Variants in INO80D observed in about 807,000 individuals in gnomAD.
INO80D encodes INO80 complex subunit D.
A neutral mutation model predicts 87.6 loss-of-function variants in INO80D; 21 were observed. The observed-to-expected ratio is 0.24, with a 90% CI of 0.17 to 0.35. INO80D has a LOEUF of 0.35. INO80D is among the 10% of genes least tolerant of loss of function. INO80D has a pLI of 1.00. For synonymous variants in INO80D, 440 were observed against 491.0 expected, an observed-to-expected ratio of 0.90 and a Z score of 1.37; for missense variants, 982 against 1,280.7, an observed-to-expected ratio of 0.77 and a Z score of 3.56.
chr2:206,014,898 T>C (rs1267120443), intron 8 of INO80D, among the ~76,000 whole-genome samples: 1 of 152,156 alleles, frequency 6.6e-6, no homozygotes, highest in Non-Finnish European at 1.5e-5. Context: ...ATATGGACAA[T>C]GAAATCCAGG....
At chr2:206,050,263 C>T (rs1689315260) in intron 4 of INO80D, among the ~76,000 whole-genome samples, 1 of 151,562 alleles carries the variant, frequency 6.6e-6, no homozygotes, top group African/African-American at 2.4e-5. Flanking sequence ...GAAGCCGAGG[C>T]GGGCAGATCA....
rs570084673 is a variant in INO80D, at chr2:206,042,259, GT to G, written c.1073+4244del. Among the ~76,000 whole-genome samples the G allele has an allele frequency of 3.9e-3, 599 of 152,218 alleles. 2 individuals are homozygous for G. Among genetic ancestry groups the G allele is most frequent in the Non-Finnish European group, 5.9e-3 (403 of 68,014 alleles). ...ATATTAGAAAACAATAAAGATCTCAGTCAACTGACTTAAGCTGTCACCTTAA... is the reference window on the plus strand; with the variant it reads ...ATATTAGAAAACAATAAAGATCTCAGCAACTGACTTAAGCTGTCACCTTAA... On this transcript the variant is annotated intron_variant, in intron 5 of 10. Transcript: ENST00000403263.
intron 1 of INO80D, among the ~76,000 whole-genome samples, chr2:206,077,906 C>T (rs1271431277): frequency 6.6e-6 from 1 of 151,868 alleles, no homozygotes; most frequent in Non-Finnish European, 1.5e-5. Context: ...TTTCTCTTGA[C>T]CCCCTTGCTT....
chr2:206,021,824 G>A (rs1379832598), intron 6 of INO80D, among the ~76,000 whole-genome samples: 1 of 151,300 alleles, frequency 6.6e-6, no homozygotes, highest in Admixed American at 6.6e-5. Context: ...ATGTTGGCTG[G>A]GCTGGTCTTG....
intron 3 of INO80D, 139 bp from the exon 4 acceptor site, chr2:206,057,082 A>C: frequency 1.3e-6 from 1 of 774,072 alleles, no homozygotes; most frequent in Non-Finnish European, 2.0e-6. Context: ...TAACATGCAA[A>C]CCTCTACTAC....
intron 1 of INO80D, among the ~76,000 whole-genome samples, chr2:206,080,245 A>G (rs1202855168): frequency 6.6e-6 from 1 of 152,218 alleles, no homozygotes; most frequent in African/African-American, 2.4e-5. Context: ...CCAGGACTCT[A>G]AAGTGAGCCT....
At chr2:206,048,846 A>ATTTTC (rs1689268924) in intron 4 of INO80D, among the ~76,000 whole-genome samples, 5 of 152,186 alleles carry the variant, frequency 3.3e-5, no homozygotes, top group Non-Finnish European at 5.9e-5. Context: ...GGCTGCAGTG[A>ATTTTC]GCCATGATCA....
In INO80D at chr2:206,056,348, C is replaced by T; in HGVS notation, c.814G>A (p.Ala272Thr). 2 of 1,613,860 alleles carry T rather than the reference C, an allele frequency of 1.2e-6. No individual in the cohort carries two copies. Among genetic ancestry groups the T allele is most frequent in the South Asian group, 1.1e-5 (1 of 91,070 alleles). ...GTCCTGGGTGGGTCCACAGTGGGAG[C>T]CCTACTGGATGGCAGGAGGGGCAGA... ...RPLPLLPSSR[A>T]PTVDPPRTDR... The change falls in exon 4 of 11, where the codon GCT becomes ACT. Residue 272 changes from alanine to threonine, a missense_variant. Coordinates refer to ENST00000403263, the MANE Select transcript of INO80D (RefSeq NM_017759.5).
At chr2:206,052,585 G>A (rs1489036606) in intron 4 of INO80D, among the ~76,000 whole-genome samples, 2 of 152,036 alleles carry the variant, frequency 1.3e-5, no homozygotes, top group African/African-American at 4.8e-5. Context: ...CAAGACAGGA[G>A]GATCAGCCTG....
chr2:206,025,542 A>AATACATATATATATATAT (rs1688590575), intron 6 of INO80D: 1 of 76,936 alleles, frequency 1.3e-5, no homozygotes, highest in Non-Finnish European at 2.6e-5. Flanking sequence ...AAAAAAAAAA[A>AATACATATATATATATAT]ATATATATAT....
chr2:206,018,713 G>C lies in INO80D; in HGVS notation c.1409-900C>G, dbSNP rs550614044. ...AGGTGGGTTGATTTATTGAGCCTCA[G>C]AAGTTCAGGATCAGCCTGGGCAACA... On this transcript the variant is annotated intron_variant, in intron 7 of 10. Transcript: ENST00000403263. 2.5e-4 allele frequency among the ~76,000 whole-genome samples: 38 copies of C among 152,244 alleles called. 1 individual carries two copies. The highest frequency in any genetic ancestry group is 8.2e-4 in the African/African-American group (34 of 41,558).
At chr2:206,042,714 G>A (rs1276131093) in intron 5 of INO80D, among the ~76,000 whole-genome samples, 2 of 151,016 alleles carry the variant, frequency 1.3e-5, no homozygotes, top group African/African-American at 4.9e-5. Context: ...GCTGGGTACA[G>A]CAGCTCACGC....
intron 1 of INO80D, among the ~76,000 whole-genome samples, chr2:206,083,025 A>T (rs1301346349): frequency 2.0e-5 from 3 of 152,224 alleles, no homozygotes; most frequent in African/African-American, 4.8e-5. Flanking sequence ...TTTTAAACTA[A>T]CACTTAATAA....
Position 205,996,992 on chromosome 2 carries a change from T to C in INO80D, c.*7376A>G, listed in dbSNP as rs1687820861. On this transcript the variant is annotated 3_prime_UTR_variant, in exon 11 of 11. Coordinates refer to ENST00000403263, the MANE Select transcript of INO80D (RefSeq NM_017759.5). Reference sequence around the variant, plus strand: ...TACAACTGTAGAAAAGAACAGCATATAGAGCTTTCCTAGATCTTCACTATA... The same window carrying C: ...TACAACTGTAGAAAAGAACAGCATACAGAGCTTTCCTAGATCTTCACTATA... 1 of 152,040 alleles carries C rather than the reference T, an allele frequency of 6.6e-6. No homozygotes were observed. Among genetic ancestry groups the C allele is most frequent in the Non-Finnish European group, 1.5e-5 (1 of 67,960 alleles). The allele number at this position is 152,040 out of a possible 1,614,324, so 9.4% of individuals were successfully genotyped here. A position where few individuals can be genotyped will look rare whatever the true frequency, so the allele number is the denominator to read the frequency against.
chr2:206,023,126 G>A (rs2969768), intron 6 of INO80D, among the ~76,000 whole-genome samples: 50,228 of 151,672 alleles, frequency 0.33, 8,894 homozygotes, highest in South Asian at 0.58. Context: ...ACTTGAATCC[G>A]GGAGGCGGAG....
At chr2:206,068,053 C>T (rs888062838) in intron 1 of INO80D, among the ~76,000 whole-genome samples, 4 of 152,028 alleles carry the variant, frequency 2.6e-5, no homozygotes, top group African/African-American at 9.7e-5. Flanking sequence ...AGTCTTTGCC[C>T]GTACTTCTGT....
chr2:206,079,380 G>T (rs1381537785), intron 1 of INO80D, among the ~76,000 whole-genome samples: 2 of 152,098 alleles, frequency 1.3e-5, no homozygotes, highest in African/African-American at 4.8e-5. Context: ...GCCTACCCCA[G>T]GTTTCAAACC....
chr2:206,014,839 G>C (rs1444338210), intron 8 of INO80D, among the ~76,000 whole-genome samples: 3 of 152,140 alleles, frequency 2.0e-5, no homozygotes, highest in African/African-American at 7.2e-5. Context: ...GGAAAGTTTG[G>C]AACTCACTGG....
chr2:206,031,438 G>A (rs962251464), intron 5 of INO80D, among the ~76,000 whole-genome samples: 1 of 152,112 alleles, frequency 6.6e-6, no homozygotes, highest in Non-Finnish European at 1.5e-5. Flanking sequence ...ATCTTAAAGG[G>A]AAGGTAAAGC....
Sources: allele counts gnomAD v4.1 joint callset (sites outside exome capture counted in the v4.1 genomes callset), GRCh38; gene constraint gnomAD v4.1.1; transcripts MANE v1.5; gene names NCBI Gene and HGNC (gene_info 2026-07-23, HGNC 2026-07-21).